DCLK3: variants seen among roughly 807,000 people sequenced by gnomAD.
DCLK3 encodes the protein serine/threonine-protein kinase DCLK3.
DCLK3 carries 30 observed loss-of-function variants against 46.4 expected under a neutral mutation model. The ratio of observed to expected loss-of-function variants is 0.65; its 90% CI spans 0.48 to 0.88. The LOEUF (loss-of-function observed/expected upper bound fraction) is 0.88. Ranked by LOEUF, DCLK3 falls within the 40% of genes least tolerant of loss-of-function variation. The pLI, the probability that DCLK3 is intolerant of heterozygous loss-of-function variation, is 0.00. For missense variants in DCLK3, 846 were observed against 907.1 expected (o/e 0.93, Z 0.87); for synonymous variants, 401 against 339.2 (o/e 1.18, Z -2.00).
intron 1 of DCLK3, among the ~76,000 whole-genome samples, chr3:36,750,028 A>C (rs987934507): frequency 1.3e-5 from 2 of 152,094 alleles, no homozygotes; most frequent in Non-Finnish European, 2.9e-5. Context: ...AGAAGAAATA[A>C]ATTTCTTTTA....
intron 1 of DCLK3, among the ~76,000 whole-genome samples, chr3:36,746,333 A>G (rs1701392945): frequency 6.6e-6 from 1 of 152,204 alleles, no homozygotes; most frequent in Non-Finnish European, 1.5e-5. Flanking sequence ...AAATTTAAAG[A>G]TGGGATTGAC....
At position 36,737,090 on chromosome 3, in the gene DCLK3, A is replaced by G. The variant is rs114614812; in HGVS notation, c.1959+118T>C. ...TTAAATACTGGAACAAGTATGTTAT[A>G]ATAACATAAAAGTAAAATTCTAGTG... On this transcript the variant is annotated intron_variant, in intron 2 of 4. Transcript: ENST00000636136. The surrounding 1 kb of genome is among the most constrained non-coding windows in gnomAD (Gnocchi z 4.4). 265 of 1,318,506 alleles carry G rather than the reference A, an allele frequency of 2.0e-4. No homozygotes were observed. The African/African-American group carries it at 3.6e-3, about 18-fold the overall frequency. The allele number at this position is 1,318,506 out of a possible 1,614,324, so 81.7% of individuals were successfully genotyped here.
chr3:36,737,108 T>C lies in DCLK3; in HGVS notation c.1959+100A>G. On this transcript the variant is annotated intron_variant, in intron 2 of 4. Transcript: ENST00000636136. This position sits in a 1 kb window ranked among gnomAD's most constrained non-coding sequence, Gnocchi z 4.4. ...ATGTTATAATAACATAAAAGTAAAA[T>C]TCTAGTGTGTAAAGGTGACAGAGTA... The C allele has an allele frequency of 7.0e-7, 1 of 1,429,720 alleles. No homozygotes were observed. Among genetic ancestry groups the C allele is most frequent in the Non-Finnish European group, 9.3e-7 (1 of 1,075,756 alleles). 88.6% of individuals were successfully genotyped at this position (1,429,720 alleles called of 1,614,324 possible). A position where few individuals can be genotyped will look rare whatever the true frequency, so the allele number is the denominator to read the frequency against.
chr3:36,731,892 A>C (rs1442709516), intron 2 of DCLK3, among the ~76,000 whole-genome samples: 1 of 152,230 alleles, frequency 6.6e-6, no homozygotes, highest in Non-Finnish European at 1.5e-5. Flanking sequence ...TTAGACAACT[A>C]GACCTGAGAC....
chr3:36,736,884 G>T (rs1701269573), intron 2 of DCLK3, among the ~76,000 whole-genome samples: 1 of 152,200 alleles, frequency 6.6e-6, no homozygotes. Flanking sequence ...GCTGCCATCA[G>T]TAGGCATCCC....
intron 1 of DCLK3, among the ~76,000 whole-genome samples, chr3:36,751,133 G>T (rs575986217): frequency 1.3e-5 from 2 of 149,520 alleles, no homozygotes; most frequent in South Asian, 4.2e-4. Flanking sequence ...GTGATGTTTG[G>T]GTAAAGCACA....
chr3:36,736,069 C>A (rs1278382639), intron 2 of DCLK3, among the ~76,000 whole-genome samples: 1 of 152,226 alleles, frequency 6.6e-6, no homozygotes, highest in African/African-American at 2.4e-5. Context: ...TCCTGGCACA[C>A]ACTTGTACTC....
At chr3:36,752,850 G>A (rs73054246) in intron 1 of DCLK3, among the ~76,000 whole-genome samples, 35,754 of 152,028 alleles carry the variant, frequency 0.24, 4,695 homozygotes, top group Non-Finnish European at 0.3. Flanking sequence ...AGACACATAC[G>A]GCTATTTTCC....
intron 2 of DCLK3, among the ~76,000 whole-genome samples, chr3:36,730,297 T>A (rs1351153644): frequency 2.6e-5 from 4 of 152,060 alleles, no homozygotes; most frequent in Non-Finnish European, 5.9e-5. Context: ...AAGTCTTCCC[T>A]GGGACTTGTC....
At chr3:36,742,628 T>A (rs1444328949) in intron 1 of DCLK3, among the ~76,000 whole-genome samples, 2 of 152,242 alleles carry the variant, frequency 1.3e-5, no homozygotes, top group Non-Finnish European at 2.9e-5. Context: ...CTTCTAGCTA[T>A]GACTGCTTCA....
intron 2 of DCLK3, among the ~76,000 whole-genome samples, chr3:36,728,283 T>C (rs1420865086): frequency 6.6e-6 from 1 of 152,116 alleles, no homozygotes; most frequent in African/African-American, 2.4e-5. Flanking sequence ...TTCTCCAAGC[T>C]AGCATCTGTG....
chr3:36,749,712 G>A (rs750044063), intron 1 of DCLK3, among the ~76,000 whole-genome samples: 18 of 152,238 alleles, frequency 1.2e-4, no homozygotes, highest in East Asian at 1.9e-4. Context: ...CTACAGGAAC[G>A]AGGAGGCAAA....
At position 36,738,940 on chromosome 3, in the gene DCLK3, A is replaced by G; in HGVS notation, c.227T>C (p.Phe76Ser). 1 of 406,204 alleles carries G rather than the reference A, an allele frequency of 2.5e-6. No homozygotes were observed. Among genetic ancestry groups the G allele is most frequent in the Admixed American group, 4.4e-5 (1 of 22,760 alleles). The allele number at this position is 406,204 out of a possible 1,614,324, so 25.2% of individuals were successfully genotyped here. Residue 76 changes from phenylalanine (F) to serine (S), a missense_variant, in exon 2 of 5, where the codon TTC becomes TCC. This residue lies in a region of DCLK3 where 553 missense variants were observed against 543.0 expected (regional missense o/e 1.02). Transcript: ENST00000636136. ...TGAGTGAAGGCCATTCCGAGGGCAG[A>G]ACAAGGGCACGACGGGGCCACGCGG... The part of the protein sequence containing the change: ...LGPRGPVVPL[F>S]CPRNGLHSAH...
At chr3:36,725,828 T>C (rs1183366692) in intron 2 of DCLK3, among the ~76,000 whole-genome samples, 1 of 152,222 alleles carries the variant, frequency 6.6e-6, no homozygotes. Context: ...TCACTCTGAA[T>C]GAATACAGAA....
intron 2 of DCLK3, among the ~76,000 whole-genome samples, chr3:36,732,025 A>C (rs530109327): frequency 6.6e-6 from 1 of 152,348 alleles, no homozygotes; most frequent in South Asian, 2.1e-4. Context: ...ATACTCTTTT[A>C]GACAGGTGAT....
At chr3:36,756,703 G>A (rs1701487461) in intron 1 of DCLK3, among the ~76,000 whole-genome samples, 1 of 152,078 alleles carries the variant, frequency 6.6e-6, no homozygotes, top group South Asian at 2.1e-4. Context: ...AACCAACCCT[G>A]AGACCCAAAG....
intron 2 of DCLK3, among the ~76,000 whole-genome samples, chr3:36,726,794 T>C (rs926523439): frequency 2.0e-5 from 3 of 152,160 alleles, no homozygotes; most frequent in Admixed American, 2.0e-4. Flanking sequence ...AGTCTGCATA[T>C]AGAAACTGAC....
chr3:36,725,278 C>G (rs1422907944), intron 2 of DCLK3, among the ~76,000 whole-genome samples: 2 of 149,146 alleles, frequency 1.3e-5, no homozygotes, highest in Non-Finnish European at 3.0e-5. Context: ...CGCCACTGCA[C>G]TCCAGCCTGG....
rs1389380706 is a variant in DCLK3, at chr3:36,721,505, C to T, written c.2092+22G>A. The T allele has an allele frequency of 4.3e-6, 7 of 1,612,286 alleles. No individual in the cohort carries two copies. In the Admixed American group the frequency reaches 5.0e-5, roughly 12 times the overall value. ...TGTTAGTAAGGGAACTAGAGTCCCA[C>T]AGATCGATGTGTAACACTTACCTTT... is the stretch of plus-strand genomic sequence containing the variant. On this transcript the variant is annotated intron_variant, in intron 3 of 4. Transcript: ENST00000636136.
Sources: allele counts gnomAD v4.1 joint callset (sites outside exome capture counted in the v4.1 genomes callset), GRCh38; gene constraint gnomAD v4.1.1; regional missense constraint gnomAD v4.1.1; non-coding constraint Gnocchi (gnomAD v3.1); transcripts MANE v1.5; gene names NCBI Gene and HGNC (gene_info 2026-07-23, HGNC 2026-07-21).